NFKBIZ: variants seen among roughly 807,000 people sequenced by gnomAD.
NFKBIZ encodes NF-kappa-B inhibitor zeta.
A neutral mutation model predicts 76.8 loss-of-function variants in NFKBIZ; 19 were observed. The observed-to-expected ratio is 0.25, with a 90% CI of 0.17 to 0.36. The LOEUF (loss-of-function observed/expected upper bound fraction) is 0.36, where lower values mean the gene tolerates loss of function less well. NFKBIZ is among the 10% of genes least tolerant of loss of function. NFKBIZ has a pLI of 1.00. For synonymous variants in NFKBIZ, 368 were observed against 354.8 expected, an observed-to-expected ratio of 1.04 and a Z score of -0.42; for missense variants, 829 against 910.9, an observed-to-expected ratio of 0.91 and a Z score of 1.16.
At position 101,852,951 on chromosome 3, in the gene NFKBIZ, G is replaced by A. The variant is rs762756637; in HGVS notation, c.526G>A (p.Ala176Thr). ...KGPDSLSDGPACKRPALLHSQ... is the reference protein window; with the variant it reads ...KGPDSLSDGPTCKRPALLHSQ... ...GCCCGATTCGTTGTCTGATGGACCTGCTTGCAAAAGGCCAGCTCTGTTGCA... is the reference window on the plus strand; with the variant it reads ...GCCCGATTCGTTGTCTGATGGACCTACTTGCAAAAGGCCAGCTCTGTTGCA... Residue 176 changes from alanine to threonine, a missense_variant, in exon 4 of 12, where the codon GCT (alanine) becomes ACT (threonine). Ala to Thr is a moderately conservative substitution (Grantham distance 58). Coordinates refer to ENST00000326172, the MANE Select transcript of NFKBIZ (RefSeq NM_031419.4). 6.2e-7 allele frequency: 1 copy of A among 1,614,190 alleles called. No individual in the cohort carries two copies. Among genetic ancestry groups the A allele is most frequent in the Non-Finnish European group, 8.5e-7 (1 of 1,180,034 alleles).
At chr3:101,837,574 C>T (rs1424186231) in intron 2 of NFKBIZ, among the ~76,000 whole-genome samples, 1 of 151,386 alleles carries the variant, frequency 6.6e-6, no homozygotes, top group Non-Finnish European at 1.5e-5. Flanking sequence ...ATGGGGCATG[C>T]CATACCTGTC....
intron 2 of NFKBIZ, among the ~76,000 whole-genome samples, chr3:101,842,669 C>T (rs1942802002): frequency 6.8e-6 from 1 of 148,036 alleles, no homozygotes; most frequent in South Asian, 2.1e-4. Flanking sequence ...AATTCTTCTT[C>T]CAGTGTGGCC....
At chr3:101,858,840 T>C (rs1309239113) in intron 11 of NFKBIZ, among the ~76,000 whole-genome samples, 2 of 152,054 alleles carry the variant, frequency 1.3e-5, no homozygotes, top group Non-Finnish European at 2.9e-5. Flanking sequence ...AATACTTGGA[T>C]ATCATGACAG....
chr3:101,855,353 C>A (rs1315435990), intron 7 of NFKBIZ, 42 bp from the exon 8 acceptor site: 2 of 1,609,466 alleles, frequency 1.2e-6, no homozygotes, highest in Non-Finnish European at 1.7e-6. Context: ...GGTATATGCG[C>A]AGCTTATGTA....
chr3:101,852,215 T>A lies in NFKBIZ; in HGVS notation c.420T>A (p.Asp140Glu), dbSNP rs369509538. The A allele has an allele frequency of 1.9e-6, 3 of 1,614,110 alleles. No individual in the cohort carries two copies. The highest frequency in any genetic ancestry group is 2.2e-5 in the South Asian group (2 of 91,080). The change falls in exon 2 of 12, where the codon GAT becomes GAA. Residue 140 changes from aspartate to glutamate, a missense_variant. Physicochemically the swap from Asp to Glu is conservative, Grantham distance 45. This residue lies in a region of NFKBIZ where 371 missense variants were observed against 332.3 expected (regional missense o/e 1.12). Transcript: ENST00000326172. ...HKQKASGQAV[D>E]DFKTQGVNIE... ...AGAAGGCTTCTGGCCAAGCTGTGGA[T>A]GATTTTAAGGTGACATCTATTTTTC...
At chr3:101,846,939 G>T (rs1381960661), upstream of NFKBIZ, among the ~76,000 whole-genome samples, 1 of 152,214 alleles carries the variant, frequency 6.6e-6, no homozygotes, top group African/African-American at 2.4e-5. Context: ...AGAACCAGGT[G>T]AGCTGGTGGT....
intron 2 of NFKBIZ, among the ~76,000 whole-genome samples, chr3:101,837,160 G>A (rs991113486): frequency 3.3e-5 from 5 of 152,130 alleles, no homozygotes; most frequent in Non-Finnish European, 7.4e-5. Context: ...CCTTAGGTAG[G>A]ATAGGCATTT....
rs36003810 is a variant in NFKBIZ, at chr3:101,853,666, C to T, written c.1140C>T (p.Ser380=). Residue 380 remains serine, a synonymous_variant, in exon 5 of 12, where the codon AGC becomes AGT. Transcript: ENST00000326172. ...ACAGCTTCAGCATGATGCCCAGCAGCGCCTGTGAGGCCATGGTGGGGCACG... is the reference window on the plus strand; with the variant it reads ...ACAGCTTCAGCATGATGCCCAGCAGTGCCTGTGAGGCCATGGTGGGGCACG... ...HLHSFSMMPS[S]ACEAMVGHEM... The T allele has an allele frequency of 6.4e-3, 10,304 of 1,614,180 alleles. 564 individuals carry two copies. In the African/African-American group the frequency reaches 0.12, roughly 19 times the overall value.
upstream of NFKBIZ, chr3:101,848,770 TG>T (rs1942890937): frequency 6.6e-6 from 1 of 152,262 alleles, no homozygotes; most frequent in Non-Finnish European, 1.5e-5. Flanking sequence ...AAGATGGCTT[TG>T]TTCTAGTATT....
upstream of NFKBIZ, among the ~76,000 whole-genome samples, chr3:101,847,985 C>G (rs187820226): frequency 3.9e-5 from 6 of 152,222 alleles, no homozygotes; most frequent in African/African-American, 1.2e-4. Flanking sequence ...ATTTCTCCCC[C>G]CCTCCAAAAG....
intron 11 of NFKBIZ, chr3:101,857,768 G>C (rs1943071933): frequency 1.0e-6 from 1 of 985,302 alleles, no homozygotes; most frequent in Non-Finnish European, 1.2e-6. Context: ...CAAGGTTCCT[G>C]CAGATACCAA....
At chr3:101,855,239 T>C (rs1189450502) in intron 7 of NFKBIZ, 31 bp downstream of exon 7, 1 of 1,601,704 alleles carries the variant, frequency 6.2e-7, no homozygotes, top group East Asian at 2.2e-5. Context: ...CTTCCATCAT[T>C]GCAAGGCCAG....
In NFKBIZ at chr3:101,853,643, A is replaced by G. The variant is rs761492248; in HGVS notation, c.1117A>G (p.Ser373Gly). The G allele has an allele frequency of 4.3e-6, 7 of 1,614,270 alleles. No individual in the cohort carries two copies. In the South Asian group the frequency reaches 6.6e-5, roughly 15 times the overall value. ...GCAGCAAAATGATGCTCACTTGCAC[A>G]GCTTCAGCATGATGCCCAGCAGCGC... ...VQQQNDAHLH[S>G]FSMMPSSACE... Residue 373 changes from serine to glycine, a missense_variant, in exon 5 of 12, where the codon AGC becomes GGC. Physicochemically the swap from Ser to Gly is moderately conservative, Grantham distance 56. Around this residue, in one of 4 missense-constraint regions of NFKBIZ, gnomAD observed 371 missense variants for 332.3 expected, o/e 1.12. Transcript: ENST00000326172.
chr3:101,832,190 T>C (rs2107392649), intron 2 of NFKBIZ, among the ~76,000 whole-genome samples: 1 of 152,284 alleles, frequency 6.6e-6, no homozygotes, highest in South Asian at 2.1e-4. Flanking sequence ...CTTCCCACCT[T>C]GGACCCCAAA....
rs35824432 is a variant in NFKBIZ at position 101,843,020 on chromosome 3, TAA to T, written c.-11-9038_-11-9037del. Among the ~76,000 whole-genome samples the T allele has an allele frequency of 8.9e-3, 588 of 66,438 alleles. 4 individuals are homozygous for T. Among genetic ancestry groups the T allele is most frequent in the Middle Eastern group, 0.012 (1 of 84 alleles). The allele number at this position is 66,438 out of a possible 152,430, so 43.6% of individuals were successfully genotyped here. The stretch of plus-strand genomic sequence containing the variant: ...ATTTATTTTTAAAAACTGTATTTTC[TAA>T]AAAAAAAAAAAAAAAAAAAAAAAAA... On this transcript the variant is annotated intron_variant, in intron 2 of 12. Transcript: ENST00000394054.
rs892090905 is a variant in NFKBIZ, at chr3:101,860,640, A to G, written c.*1269A>G. The G allele has an allele frequency of 1.3e-5, 2 of 152,132 alleles. No individual in the cohort carries two copies. The highest frequency in any genetic ancestry group is 4.8e-5 in the African/African-American group (2 of 41,420). 9.4% of individuals were successfully genotyped at this position (152,132 alleles called of 1,614,324 possible). On this transcript the variant is annotated 3_prime_UTR_variant, in exon 12 of 12. Coordinates refer to ENST00000326172, the MANE Select transcript of NFKBIZ (RefSeq NM_031419.4). Reference sequence around the variant, plus strand: ...TGTTGTCAAATGATGATAATGTGCCATGATGTTTTATATATATCATTCAGA... The same window carrying G: ...TGTTGTCAAATGATGATAATGTGCCGTGATGTTTTATATATATCATTCAGA...
upstream of NFKBIZ, chr3:101,849,285 G>A (rs914159607): frequency 2.5e-5 from 5 of 199,744 alleles, no homozygotes; most frequent in Non-Finnish European, 5.0e-5. Context: ...GGGGTTTCCC[G>A]GTGAAGGGCA....
At chr3:101,849,478 G>C (rs1209447799), upstream of NFKBIZ, 3 of 604,628 alleles carry the variant, frequency 5.0e-6, no homozygotes, top group Non-Finnish European at 7.1e-6. Flanking sequence ...GAGCGCTGCG[G>C]CCCGTTAAAT....
At chr3:101,847,816 A>G (rs1032842689), upstream of NFKBIZ, among the ~76,000 whole-genome samples, 1 of 152,146 alleles carries the variant, frequency 6.6e-6, no homozygotes, top group African/African-American at 2.4e-5. Context: ...CCAGGGTCTT[A>G]TGCCACCTAC....
Sources: gnomAD v4.1 joint callset for allele counts (sites outside exome capture counted in the v4.1 genomes callset) on GRCh38, gnomAD v4.1.1 for gene constraint, gnomAD v4.1.1 regional missense constraint, MANE v1.5 for transcripts, NCBI Gene and HGNC (gene_info 2026-07-23, HGNC 2026-07-21) for gene names.